Variants in MARCHF4 observed in about 807,000 individuals in gnomAD.
The protein encoded by MARCHF4 is membrane associated ring-CH-type finger 4.
A neutral mutation model predicts 43.9 loss-of-function variants in MARCHF4; 14 were observed. The observed-to-expected ratio is 0.32, with a 90% confidence interval of 0.21 to 0.50. The LOEUF (loss-of-function observed/expected upper bound fraction) is 0.50, where lower values mean the gene tolerates loss of function less well. Among genes scored for constraint, MARCHF4 ranks in the 20% least tolerant of loss-of-function variants. The pLI, the probability that MARCHF4 is intolerant of heterozygous loss-of-function variation, is 0.98. For missense variants in MARCHF4, 468 were observed against 536.7 expected (o/e 0.87, Z 1.27); for synonymous variants, 226 against 213.3 (o/e 1.06, Z -0.52).
intron 3 of MARCHF4, among the ~76,000 whole-genome samples, chr2:216,264,761 A>C (rs1690817907): frequency 6.6e-6 from 1 of 152,202 alleles, no homozygotes. Flanking sequence ...AGTGTGACTT[A>C]AATTCCTGGT....
rs115868559 is a variant in MARCHF4, at chr2:216,341,170, C to T, written c.516+28575G>A. On this transcript the variant is annotated intron_variant, in intron 1 of 3. Coordinates refer to ENST00000273067, the MANE Select transcript of MARCHF4 (RefSeq NM_020814.3). ...CATTAGTTTATACCATTTTGCAGCT[C>T]CTCCAATCTGCCTGCTCCCTGCTGG... 5.3e-3 allele frequency among the ~76,000 whole-genome samples: 810 copies of T among 152,310 alleles called. 7 individuals are homozygous for T. The highest frequency in any genetic ancestry group is 0.018 in the African/African-American group (766 of 41,574).
At chr2:216,282,456 G>C (rs1050797805) in intron 2 of MARCHF4, among the ~76,000 whole-genome samples, 2 of 152,038 alleles carry the variant, frequency 1.3e-5, no homozygotes, top group Non-Finnish European at 2.9e-5. Context: ...CCCCTCCTGG[G>C]CTTTCAGGAC....
In MARCHF4 at chr2:216,372,292, C is replaced by T. The variant is rs1692782544; in HGVS notation, c.-2032G>A. On this transcript the variant is annotated 5_prime_UTR_variant, in exon 1 of 4. The change abolishes the stop of an existing upstream ORF in the 5' untranslated region. Transcript: ENST00000273067. ...TTCTTGCAGCGAGGGAGGCTCTCGG[C>T]TATCTCCGCCGCCGGCGCCGCGGCC... 6.6e-6 allele frequency among the ~76,000 whole-genome samples: 1 copy of T among 152,110 alleles called. No homozygotes were observed. Among genetic ancestry groups the T allele is most frequent in the African/African-American group, 2.4e-5 (1 of 41,400 alleles).
intron 1 of MARCHF4, among the ~76,000 whole-genome samples, chr2:216,327,788 T>C (rs1343447513): frequency 6.6e-6 from 1 of 152,128 alleles, no homozygotes; most frequent in Non-Finnish European, 1.5e-5. Context: ...CCAACTGAGA[T>C]TGTGCCCAGG....
At chr2:216,315,682 A>G (rs989182924) in intron 1 of MARCHF4, among the ~76,000 whole-genome samples, 2 of 152,234 alleles carry the variant, frequency 1.3e-5, no homozygotes, top group African/African-American at 2.4e-5. Flanking sequence ...TTAAAATACC[A>G]TATATATGCA....
intron 1 of MARCHF4, among the ~76,000 whole-genome samples, chr2:216,324,960 G>A (rs1691964595): frequency 6.6e-6 from 1 of 151,192 alleles, no homozygotes; most frequent in Non-Finnish European, 1.5e-5. Flanking sequence ...GGAAGTTCTG[G>A]CCAGGGCAAT....
chr2:216,330,462 C>CA (rs1692067976), intron 1 of MARCHF4, among the ~76,000 whole-genome samples: 1 of 151,850 alleles, frequency 6.6e-6, no homozygotes, highest in Admixed American at 6.6e-5. Context: ...AATGATCAGA[C>CA]AAAAAAATTA....
chr2:216,303,905 T>G (rs181289159), intron 1 of MARCHF4, among the ~76,000 whole-genome samples: 10 of 151,766 alleles, frequency 6.6e-5, no homozygotes, highest in African/African-American at 2.2e-4. Context: ...GAAGCAGGAG[T>G]TCTTTGTAAA....
intron 1 of MARCHF4, among the ~76,000 whole-genome samples, chr2:216,354,960 TTTCTTTCTTTCTTTCTTTCTTTC>T (rs1243246645): frequency 9.6e-5 from 14 of 145,894 alleles, no homozygotes; most frequent in African/African-American, 3.7e-4. Flanking sequence ...TCTTTCTTTC[TTTCTTTCTTTCTTTCTTTCTTTC>T]TTTTTTGAGA....
chr2:216,263,072 TG>T (rs1690768113), intron 3 of MARCHF4, among the ~76,000 whole-genome samples: 2 of 152,230 alleles, frequency 1.3e-5, no homozygotes, highest in South Asian at 4.2e-4. Flanking sequence ...TGAGGGTATC[TG>T]AGGACTGAGT....
At chr2:216,287,353 G>A (rs1267346134) in intron 1 of MARCHF4, among the ~76,000 whole-genome samples, 2 of 152,080 alleles carry the variant, frequency 1.3e-5, no homozygotes, top group Non-Finnish European at 2.9e-5. Context: ...ATTTGGGCTG[G>A]GAGGATTACT....
intron 1 of MARCHF4, among the ~76,000 whole-genome samples, chr2:216,342,978 G>A (rs1414423308): frequency 4.6e-5 from 7 of 152,174 alleles, no homozygotes; most frequent in Non-Finnish European, 7.3e-5. Context: ...AGGACTGACT[G>A]AGGAAGAAGC....
chr2:216,300,425 C>T (rs1691476630), intron 1 of MARCHF4, among the ~76,000 whole-genome samples: 1 of 149,144 alleles, frequency 6.7e-6, no homozygotes, highest in Admixed American at 6.6e-5. Context: ...CTCACTGCAG[C>T]CTCGACCTCC....
chr2:216,281,626 T>C (rs1691129748), intron 2 of MARCHF4, among the ~76,000 whole-genome samples: 2 of 152,170 alleles, frequency 1.3e-5, no homozygotes, highest in Non-Finnish European at 2.9e-5. Context: ...GGACATACAA[T>C]TGGGACAATT....
rs933422585 is a variant in MARCHF4 at position 216,270,408 on chromosome 2, G to A, written c.865+7264C>T. On this transcript the variant is annotated intron_variant, in intron 3 of 3. Coordinates refer to ENST00000273067, the MANE Select transcript of MARCHF4 (RefSeq NM_020814.3). ...GATTTTTAACCCTCTTTTATCACCCGCCCCAACCCCATCAGTCACCAACCC... is the reference window on the plus strand; with the variant it reads ...GATTTTTAACCCTCTTTTATCACCCACCCCAACCCCATCAGTCACCAACCC... Among the ~76,000 whole-genome samples, 7 of 151,830 alleles carry A rather than the reference G, an allele frequency of 4.6e-5. No individual in the cohort carries two copies. In the South Asian group the frequency reaches 1.0e-3, roughly 23 times the overall value.
chr2:216,299,967 CT>C (rs1691460398), intron 1 of MARCHF4, among the ~76,000 whole-genome samples: 1 of 152,156 alleles, frequency 6.6e-6, no homozygotes, highest in South Asian at 2.1e-4. Flanking sequence ...CCTTTCAAGC[CT>C]CTATTTGCAT....
At chr2:216,359,123 A>G (rs1187219432) in intron 1 of MARCHF4, among the ~76,000 whole-genome samples, 1 of 152,206 alleles carries the variant, frequency 6.6e-6, no homozygotes, top group Non-Finnish European at 1.5e-5. Context: ...CATTTCCTTC[A>G]TGTCAGAGCC....
chr2:216,349,767 A>G (rs4674080), intron 1 of MARCHF4, among the ~76,000 whole-genome samples: 84,346 of 151,978 alleles, frequency 0.55, 25,016 homozygotes, highest in East Asian at 0.79. Flanking sequence ...TTAAAGTGAC[A>G]AGGCTGGAGG....
intron 1 of MARCHF4, among the ~76,000 whole-genome samples, chr2:216,289,235 C>G (rs972563733): frequency 8.4e-6 from 1 of 118,392 alleles, no homozygotes; most frequent in East Asian, 2.3e-4. Context: ...TCTTCCCCAC[C>G]CGCCCCCCAC....
Sources: gnomAD v4.1 joint callset for allele counts (sites outside exome capture counted in the v4.1 genomes callset) on GRCh38, gnomAD v4.1.1 for gene constraint, MANE v1.5 for transcripts, NCBI Gene and HGNC (gene_info 2026-07-23, HGNC 2026-07-21) for gene names.